Variants in ALCAM observed in about 807,000 individuals in gnomAD.
ALCAM encodes CD166 antigen.
ALCAM carries 30 observed loss-of-function variants against 70.9 expected under a neutral mutation model. That is an observed-to-expected ratio of 0.42 (90% CI 0.32 to 0.57). The LOEUF (loss-of-function observed/expected upper bound fraction) is 0.57. ALCAM is among the 20% of genes least tolerant of loss of function. ALCAM has a pLI of 0.11. For synonymous variants in ALCAM, 249 were observed against 242.5 expected (o/e 1.03, Z -0.25); for missense variants, 591 against 695.1 (o/e 0.85, Z 1.68).
intron 1 of ALCAM, among the ~76,000 whole-genome samples, chr3:105,441,905 A>G (rs1000127225): frequency 1.3e-5 from 2 of 152,216 alleles, no homozygotes; most frequent in African/African-American, 4.8e-5. Context: ...CCTGAGTGGC[A>G]ATATATTCAT....
At chr3:105,544,682 AT>A (rs1559828889) in intron 8 of ALCAM, 1 of 166,256 alleles carries the variant, frequency 6.0e-6, no homozygotes, top group East Asian at 1.7e-4. Context: ...TGACAGTAAG[AT>A]TTTTATAAAG....
At chr3:105,563,718 T>C (rs1212230601) in intron 14 of ALCAM, among the ~76,000 whole-genome samples, 3 of 112,822 alleles carry the variant, frequency 2.7e-5, no homozygotes, top group Non-Finnish European at 5.0e-5. Flanking sequence ...TCTCGCTCTG[T>C]CGCCCAGGCC....
intron 1 of ALCAM, among the ~76,000 whole-genome samples, chr3:105,430,636 A>T (rs937195758): frequency 6.6e-6 from 1 of 152,022 alleles, no homozygotes; most frequent in Admixed American, 6.6e-5. Flanking sequence ...GTATTTCTCC[A>T]CTATGAAGTT....
Position 105,499,690 on chromosome 3 carries a change from A to G in ALCAM, c.74-20377A>G, listed in dbSNP as rs577962644. 2.0e-5 allele frequency among the ~76,000 whole-genome samples: 3 copies of G among 152,342 alleles called. No individual in the cohort carries two copies. The South Asian group carries it at 6.2e-4, about 32-fold the overall frequency. The stretch of plus-strand genomic sequence containing the variant: ...TGATGTAATTGGTCTATCAAGTTTA[A>G]ATGCAAATGATTAAGTAGGGTAAAC... On this transcript the variant is annotated intron_variant, in intron 1 of 15. Transcript: ENST00000306107.
intron 1 of ALCAM, among the ~76,000 whole-genome samples, chr3:105,490,373 T>A (rs561635771): frequency 6.6e-6 from 1 of 152,230 alleles, no homozygotes; most frequent in Non-Finnish European, 1.5e-5. Flanking sequence ...AATAAAGATA[T>A]CTGTTCAGAT....
In ALCAM at chr3:105,402,562, G is replaced by C. The variant is rs114226100; in HGVS notation, c.73+35081G>C. ...GGTGGGGCATGGTGGGAGTGAGACC[G>C]GCCTTTAGGTGTGCAGGCTGCATGG... On this transcript the variant is annotated intron_variant, in intron 1 of 15. Coordinates refer to ENST00000306107, the MANE Select transcript of ALCAM (RefSeq NM_001627.4). 8.6e-3 allele frequency among the ~76,000 whole-genome samples: 1,307 copies of C among 152,266 alleles called. 13 individuals carry two copies. Among genetic ancestry groups the C allele is most frequent in the African/African-American group, 0.028 (1,163 of 41,556 alleles).
chr3:105,538,396 CA>C (rs1011034607), intron 6 of ALCAM, among the ~76,000 whole-genome samples: 2 of 152,084 alleles, frequency 1.3e-5, no homozygotes, highest in African/African-American at 2.4e-5. Flanking sequence ...AATTCAAAGT[CA>C]GGGGCAAACG....
intron 2 of ALCAM, among the ~76,000 whole-genome samples, chr3:105,520,919 C>T (rs1180386587): frequency 1.3e-5 from 2 of 152,192 alleles, no homozygotes; most frequent in Admixed American, 1.3e-4. Context: ...ATATGTTTCC[C>T]TGGACACAAT....
At chr3:105,421,661 G>A (rs1936653648) in intron 1 of ALCAM, among the ~76,000 whole-genome samples, 1 of 151,374 alleles carries the variant, frequency 6.6e-6, no homozygotes, top group Admixed American at 6.6e-5. Context: ...CCAATCCATG[G>A]CATTCAAAGT....
intron 1 of ALCAM, among the ~76,000 whole-genome samples, chr3:105,443,154 C>A (rs1169624240): frequency 6.6e-6 from 1 of 152,138 alleles, no homozygotes; most frequent in Non-Finnish European, 1.5e-5. Context: ...TGGGTGCACC[C>A]TTTATAAGAG....
At chr3:105,387,283 A>G (rs539496290) in intron 1 of ALCAM, among the ~76,000 whole-genome samples, 1 of 151,404 alleles carries the variant, frequency 6.6e-6, no homozygotes, top group East Asian at 1.9e-4. Flanking sequence ...ACCATCAAAC[A>G]AAGCTCAGAA....
intron 1 of ALCAM, among the ~76,000 whole-genome samples, chr3:105,436,574 G>A (rs1025239228): frequency 2.0e-5 from 3 of 152,038 alleles, no homozygotes; most frequent in African/African-American, 4.8e-5. Context: ...TGATCTACCC[G>A]CCTCAGCCTC....
chr3:105,396,367 C>T (rs1402081696), intron 1 of ALCAM, among the ~76,000 whole-genome samples: 1 of 151,734 alleles, frequency 6.6e-6, no homozygotes, highest in Non-Finnish European at 1.5e-5. Flanking sequence ...ACCTGAATAT[C>T]TGTGGGAGCC....
intron 14 of ALCAM, among the ~76,000 whole-genome samples, chr3:105,566,987 T>C (rs1024075684): frequency 5.3e-5 from 8 of 152,172 alleles, no homozygotes; most frequent in Non-Finnish European, 1.0e-4. Context: ...ATTTAATATG[T>C]CTTTCTTTTG....
intron 1 of ALCAM, among the ~76,000 whole-genome samples, chr3:105,390,051 G>A (rs916742357): frequency 6.6e-6 from 1 of 151,868 alleles, no homozygotes; most frequent in African/African-American, 2.4e-5. Context: ...GATCATACCT[G>A]TGCATGTATC....
intron 1 of ALCAM, among the ~76,000 whole-genome samples, chr3:105,416,709 C>T (rs376659344): frequency 2.7e-4 from 41 of 151,992 alleles, no homozygotes; most frequent in African/African-American, 9.6e-4. Flanking sequence ...TATGCATTGC[C>T]GTATTCTTAA....
At chr3:105,543,680 C>T (rs893083400) in intron 8 of ALCAM, among the ~76,000 whole-genome samples, 3 of 151,632 alleles carry the variant, frequency 2.0e-5, no homozygotes, top group Non-Finnish European at 4.4e-5. Context: ...TATATGCACA[C>T]ATAGAGTCTT....
At chr3:105,454,506 A>G (rs878896296) in intron 1 of ALCAM, among the ~76,000 whole-genome samples, 22 of 152,056 alleles carry the variant, frequency 1.4e-4, no homozygotes, top group African/African-American at 5.3e-4. Flanking sequence ...TGAGTAGATC[A>G]CAGTTTTAGG....
rs140033008 is a variant in ALCAM at position 105,445,201 on chromosome 3, G to T, written c.74-74866G>T. Among the ~76,000 whole-genome samples, 419 of 152,054 alleles carry T rather than the reference G, an allele frequency of 2.8e-3. 10 individuals carry two copies. Among genetic ancestry groups the T allele is most frequent in the Non-Finnish European group, 9.7e-4 (66 of 67,958 alleles). ...TAATACATGAACAAGTAATTATCAA[G>T]AAAATAATCCGATTTACAATAACTA... is the stretch of plus-strand genomic sequence containing the variant. On this transcript the variant is annotated intron_variant, in intron 1 of 15. Transcript: ENST00000306107.
Sources: allele counts gnomAD v4.1 joint callset (sites outside exome capture counted in the v4.1 genomes callset), GRCh38; gene constraint gnomAD v4.1.1; transcripts MANE v1.5; gene names NCBI Gene and HGNC (gene_info 2026-07-23, HGNC 2026-07-21).